DAB1: variants seen among roughly 807,000 people sequenced by gnomAD.
DAB1 encodes disabled homolog 1.
Under a neutral mutation model 64.6 loss-of-function variants are expected in DAB1, and 15 were observed. The ratio of observed to expected loss-of-function variants is 0.23; its 90% CI spans 0.16 to 0.36. DAB1 has a LOEUF of 0.36. Ranked by LOEUF, DAB1 falls within the 10% of genes least tolerant of loss-of-function variation. The pLI is 1.00. For missense variants in DAB1, 596 were observed against 706.7 expected (o/e 0.84, Z 1.78); for synonymous variants, 235 against 251.9 (o/e 0.93, Z 0.64).
At chr1:57,851,056 A>G (rs978965893) in intron 1 of DAB1, among the ~76,000 whole-genome samples, 2 of 152,158 alleles carry the variant, frequency 1.3e-5, no homozygotes, top group South Asian at 2.1e-4. Flanking sequence ...CCATCAATAT[A>G]TTTCTTAATT....
chr1:57,202,165 A>G (rs1218376325), intron 2 of DAB1, among the ~76,000 whole-genome samples: 1 of 152,172 alleles, frequency 6.6e-6, no homozygotes, highest in Non-Finnish European at 1.5e-5. Context: ...TTGTTTCATT[A>G]CTGAGTTTCT....
chr1:57,034,976 G>A (rs948619645), intron 9 of DAB1, among the ~76,000 whole-genome samples: 3 of 152,166 alleles, frequency 2.0e-5, no homozygotes, highest in Admixed American at 1.3e-4. Context: ...AGAGCCTTCA[G>A]GTCAACCACC....
chr1:58,253,268 A>C (rs1054351002), intron 4 of DAB1, among the ~76,000 whole-genome samples: 2 of 152,174 alleles, frequency 1.3e-5, no homozygotes, highest in Non-Finnish European at 2.9e-5. Context: ...TTATCTATCT[A>C]TGTTCTTAAA....
intron 1 of DAB1, among the ~76,000 whole-genome samples, chr1:57,305,964 G>A (rs1370467845): frequency 9.5e-4 from 124 of 130,462 alleles, no homozygotes; most frequent in African/African-American, 3.5e-3. Context: ...GCAAGACTCC[G>A]TCTCAAAAAA....
chr1:58,126,384 A>C (rs1653083260), intron 5 of DAB1, among the ~76,000 whole-genome samples: 1 of 152,014 alleles, frequency 6.6e-6, no homozygotes, highest in Non-Finnish European at 1.5e-5. Context: ...AGCCTTCCAG[A>C]GCACTGAGAA....
chr1:57,909,154 T>G (rs1202800), intron 5 of DAB1, among the ~76,000 whole-genome samples: 33,858 of 152,074 alleles, frequency 0.22, 3,976 homozygotes, highest in Admixed American at 0.29. Flanking sequence ...AAACAAGTGT[T>G]GCTTGTTAAG....
At chr1:57,848,223 A>C (rs1320506204) in intron 1 of DAB1, among the ~76,000 whole-genome samples, 1 of 152,232 alleles carries the variant, frequency 6.6e-6, no homozygotes, top group African/African-American at 2.4e-5. Context: ...GAATAGACAA[A>C]AGGTGTAGTC....
chr1:57,790,860 C>T (rs1252424087), intron 6 of DAB1, among the ~76,000 whole-genome samples: 1 of 152,064 alleles, frequency 6.6e-6, no homozygotes, highest in Non-Finnish European at 1.5e-5. Context: ...TATAAAGCAC[C>T]TGGTGCATTA....
intron 7 of DAB1, among the ~76,000 whole-genome samples, chr1:57,433,500 A>G (rs1379276336): frequency 1.3e-5 from 2 of 152,154 alleles, no homozygotes; most frequent in East Asian, 1.9e-4. Flanking sequence ...ATCAGCATGA[A>G]GTTCTTCCTC....
chr1:57,590,620 C>T (rs914665119), intron 7 of DAB1, among the ~76,000 whole-genome samples: 18 of 152,016 alleles, frequency 1.2e-4, no homozygotes, highest in Middle Eastern at 3.4e-3. Context: ...TGTGAGCCAC[C>T]GTGCCTAGCC....
intron 1 of DAB1, chr1:57,863,229 T>C (rs1406098762): frequency 2.0e-5 from 3 of 150,146 alleles, no homozygotes; most frequent in African/African-American, 7.4e-5. Flanking sequence ...ACTGGAGTGG[T>C]AGAAAGTAAA....
intron 4 of DAB1, among the ~76,000 whole-genome samples, chr1:57,079,139 T>G (rs1652249378): frequency 6.6e-6 from 1 of 152,172 alleles, no homozygotes; most frequent in African/African-American, 2.4e-5. Context: ...TCCATATATG[T>G]GTACATAACA....
intron 4 of DAB1, among the ~76,000 whole-genome samples, chr1:57,110,701 A>G (rs1315803189): frequency 6.6e-6 from 1 of 152,206 alleles, no homozygotes; most frequent in Non-Finnish European, 1.5e-5. Flanking sequence ...GGCACACAGT[A>G]ACCATTATTA....
intron 6 of DAB1, among the ~76,000 whole-genome samples, chr1:57,760,601 T>TTCTCTCTC (rs140338730): frequency 3.8e-5 from 4 of 105,302 alleles, no homozygotes; most frequent in Admixed American, 9.9e-5. Context: ...CTCAACTTCT[T>TTCTCTCTC]TCTCTCTCTC....
At chr1:57,619,193 A>T (rs1037898707) in intron 7 of DAB1, among the ~76,000 whole-genome samples, 2 of 152,140 alleles carry the variant, frequency 1.3e-5, no homozygotes, top group Non-Finnish European at 2.9e-5. Context: ...GCAGTTAGAG[A>T]TCCTTTTTTA....
chr1:57,618,029 C>A (rs1280177257), intron 7 of DAB1, among the ~76,000 whole-genome samples: 1 of 152,146 alleles, frequency 6.6e-6, no homozygotes. Context: ...AGAACAAAAA[C>A]TCCAGGGAAG....
At chr1:57,841,860 C>G (rs186037296) in intron 1 of DAB1, among the ~76,000 whole-genome samples, 1 of 152,316 alleles carries the variant, frequency 6.6e-6, no homozygotes. Flanking sequence ...TCCTCATTGT[C>G]TTGGCAATTA....
chr1:57,339,302 C>T (rs6668257), intron 1 of DAB1, among the ~76,000 whole-genome samples: 62,025 of 151,772 alleles, frequency 0.41, 13,092 homozygotes, highest in Non-Finnish European at 0.44. Context: ...ACTACAGGCG[C>T]CCGCCACCAA....
intron 14 of DAB1, among the ~76,000 whole-genome samples, chr1:57,005,140 A>C (rs1646020538): frequency 6.6e-6 from 1 of 152,170 alleles, no homozygotes; most frequent in Non-Finnish European, 1.5e-5. Context: ...TTGGGTGCTG[A>C]AATCCGCTTG....
Sources: gnomAD v4.1 joint callset for allele counts (sites outside exome capture counted in the v4.1 genomes callset) on GRCh38, gnomAD v4.1.1 for gene constraint, MANE v1.5 for transcripts, NCBI Gene and HGNC (gene_info 2026-07-23, HGNC 2026-07-21) for gene names.